Variants in LRIG1 observed in about 807,000 individuals in gnomAD.
LRIG1 encodes the protein leucine rich repeats and immunoglobulin like domains 1, also known as leucine-rich repeats and immunoglobulin-like domains protein 1.
LRIG1 carries 48 observed loss-of-function variants against 99.2 expected under a neutral mutation model. The observed-to-expected ratio is 0.48, with a 90% CI of 0.38 to 0.62. LRIG1 has a LOEUF of 0.62. Ranked by LOEUF, LRIG1 falls within the 20% of genes least tolerant of loss-of-function variation. The pLI is 0.00. For missense variants in LRIG1, 1,646 were observed against 1,434.4 expected, an observed-to-expected ratio of 1.15 and a Z score of -2.38; for synonymous variants, 772 against 596.1, an observed-to-expected ratio of 1.29 and a Z score of -4.30.
Position 66,381,522 on chromosome 3 carries a change from T to C in LRIG1, c.2727A>G (p.Lys909=). 6.2e-7 allele frequency: 1 copy of C among 1,613,918 alleles called. No individual in the cohort carries two copies. The highest frequency in any genetic ancestry group is 1.3e-5 in the African/African-American group (1 of 74,914). ...GTGTCCCTTCAGCTTTCTCCATCGC[T>C]TTCCACGGCTCTTTGTGATACGCAG... ...AGSAYHKEPW[K]AMEKAEGTPG... The change falls in exon 17 of 19, where the codon AAA becomes AAG. Residue 909 remains lysine, a synonymous_variant. Coordinates refer to ENST00000273261, the MANE Select transcript of LRIG1 (RefSeq NM_015541.3).
chr3:66,403,952 G>A (rs1005101985), intron 9 of LRIG1, among the ~76,000 whole-genome samples: 4 of 152,164 alleles, frequency 2.6e-5, no homozygotes, highest in African/African-American at 9.7e-5. Context: ...CACCCCACTT[G>A]GTACTTCTGG....
intron 3 of LRIG1, among the ~76,000 whole-genome samples, chr3:66,435,942 A>G (rs1703342662): frequency 6.6e-6 from 1 of 152,228 alleles, no homozygotes; most frequent in Non-Finnish European, 1.5e-5. Context: ...GTCTCCAGCC[A>G]TCCTTCAAAC....
intron 3 of LRIG1, among the ~76,000 whole-genome samples, chr3:66,429,062 G>C (rs1038470871): frequency 1.3e-5 from 2 of 152,190 alleles, no homozygotes; most frequent in Non-Finnish European, 2.9e-5. Context: ...GGCAGGACTG[G>C]GCTGTGTCAA....
intron 8 of LRIG1, chr3:66,406,372 C>A (rs978045625): frequency 1.0e-6 from 1 of 985,352 alleles, no homozygotes; most frequent in Non-Finnish European, 1.2e-6. Flanking sequence ...TCCTTTCTGG[C>A]CCGCTCAGTC....
At chr3:66,442,162 T>C (rs528793951) in intron 3 of LRIG1, among the ~76,000 whole-genome samples, 2 of 152,220 alleles carry the variant, frequency 1.3e-5, no homozygotes, top group Admixed American at 6.5e-5. Context: ...TAAAAACTCT[T>C]GCCTTTAAAC....
intron 7 of LRIG1, among the ~76,000 whole-genome samples, chr3:66,408,285 G>C (rs1391208917): frequency 6.6e-6 from 1 of 152,120 alleles, no homozygotes; most frequent in Non-Finnish European, 1.5e-5. Flanking sequence ...TTTCCCTCCT[G>C]GACAAATAAG....
intron 9 of LRIG1, chr3:66,401,663 G>T: frequency 1.3e-6 from 2 of 1,529,962 alleles, no homozygotes; most frequent in South Asian, 2.4e-5. Context: ...AGCAGACTGG[G>T]ATGGCTCTAA....
chr3:66,390,786 C>T (rs1362826172), intron 12 of LRIG1, among the ~76,000 whole-genome samples: 1 of 152,082 alleles, frequency 6.6e-6, no homozygotes, highest in Non-Finnish European at 1.5e-5. Context: ...ACATCAAAAG[C>T]ATACGTAATA....
At chr3:66,409,770 A>G (rs1013356607) in intron 7 of LRIG1, 1 of 190,002 alleles carries the variant, frequency 5.3e-6, no homozygotes, top group African/African-American at 2.3e-5. Context: ...AGTCACTCTC[A>G]AAATGGCTCC....
At chr3:66,416,489 A>C (rs1012836193) in intron 4 of LRIG1, among the ~76,000 whole-genome samples, 1 of 152,216 alleles carries the variant, frequency 6.6e-6, no homozygotes, top group African/African-American at 2.4e-5. Context: ...TCTTTCCCAG[A>C]GTAACACTTT....
chr3:66,486,103 A>AAG (rs1157107339), intron 1 of LRIG1, among the ~76,000 whole-genome samples: 2 of 152,212 alleles, frequency 1.3e-5, no homozygotes, highest in Admixed American at 1.3e-4. Context: ...TCATAGAGTT[A>AAG]AGATGGTGAT....
chr3:66,394,795 G>A (rs1423082508), intron 11 of LRIG1, among the ~76,000 whole-genome samples: 3 of 152,106 alleles, frequency 2.0e-5, no homozygotes, highest in Non-Finnish European at 2.9e-5. Flanking sequence ...AATGTAATAA[G>A]CCCCGTCACT....
intron 2 of LRIG1, among the ~76,000 whole-genome samples, chr3:66,457,270 TCCTTC>T (rs1700250770): frequency 1.3e-5 from 2 of 152,112 alleles, no homozygotes; most frequent in African/African-American, 4.8e-5. Context: ...TTCTTCAATA[TCCTTC>T]CCCACCTCCC....
At position 66,379,039 on chromosome 3, in the gene LRIG1, A is replaced by C; in HGVS notation, c.*1224T>G. On this transcript the variant is annotated 3_prime_UTR_variant, in exon 19 of 19. Transcript: ENST00000273261. ...AATTCTAAATGTGCTTACCTTTTGA[A>C]CAGTGATGACACCTGACAGTAATTG... 1 of 152,698 alleles carries C rather than the reference A, an allele frequency of 6.5e-6. No homozygotes were observed. The highest frequency in any genetic ancestry group is 1.9e-4 in the East Asian group (1 of 5,204). 9.5% of individuals were successfully genotyped at this position (152,698 alleles called of 1,614,324 possible).
intron 2 of LRIG1, among the ~76,000 whole-genome samples, chr3:66,452,236 C>T (rs774060652): frequency 5.3e-5 from 8 of 152,184 alleles, no homozygotes; most frequent in Non-Finnish European, 7.3e-5. Flanking sequence ...CACACTTTTG[C>T]GCATAGACAC....
intron 1 of LRIG1, among the ~76,000 whole-genome samples, chr3:66,498,791 G>A (rs1408515807): frequency 6.6e-6 from 1 of 152,170 alleles, no homozygotes; most frequent in Non-Finnish European, 1.5e-5. Flanking sequence ...TCAGAACTCT[G>A]TAGTACTTGT....
At chr3:66,410,434 T>C (rs78673228) in intron 6 of LRIG1, among the ~76,000 whole-genome samples, 162 bp from the exon 7 acceptor site, 10,864 of 152,182 alleles carry the variant, frequency 0.071, 501 homozygotes, top group Middle Eastern at 0.11. Context: ...TGCATGTGAG[T>C]AGGGGCTGGG....
intron 2 of LRIG1, among the ~76,000 whole-genome samples, chr3:66,456,578 A>AG (rs199659423): frequency 0.059 from 8,940 of 151,272 alleles, 306 homozygotes; most frequent in South Asian, 0.14. Context: ...GTCTTAAAAA[A>AG]AAAAAAAAAA....
intron 1 of LRIG1, among the ~76,000 whole-genome samples, chr3:66,487,169 T>C (rs1700993881): frequency 6.6e-6 from 1 of 152,186 alleles, no homozygotes; most frequent in South Asian, 2.1e-4. Flanking sequence ...AGGTCAAATA[T>C]TCTCTCTAAA....
Sources: gnomAD v4.1 joint callset for allele counts (sites outside exome capture counted in the v4.1 genomes callset) on GRCh38, gnomAD v4.1.1 for gene constraint, MANE v1.5 for transcripts, NCBI Gene and HGNC (gene_info 2026-07-23, HGNC 2026-07-21) for gene names.